DNAH6: variants seen among roughly 807,000 people sequenced by gnomAD.
DNAH6 encodes the protein dynein axonemal heavy chain 6.
DNAH6 carries 340 observed loss-of-function variants against 491.4 expected under a neutral mutation model. The ratio of observed to expected loss-of-function variants is 0.69; its 90% confidence interval spans 0.63 to 0.76. DNAH6 has a LOEUF of 0.76. Among genes scored for constraint, DNAH6 ranks in the 30% least tolerant of loss-of-function variants. DNAH6 has a pLI of 0.00. For synonymous variants in DNAH6, 1,603 were observed against 1,686.1 expected (o/e 0.95, Z 1.21); for missense variants, 4,443 against 4,972.2 (o/e 0.89, Z 3.20).
intron 18 of DNAH6, among the ~76,000 whole-genome samples, chr2:84,597,135 A>G (rs970589889): frequency 3.3e-5 from 5 of 152,170 alleles, no homozygotes; most frequent in African/African-American, 9.7e-5. Flanking sequence ...TTCTGTCTCT[A>G]TAGTTTTGCC....
At chr2:84,602,788 G>C (rs1337376607) in intron 18 of DNAH6, among the ~76,000 whole-genome samples, 2 of 136,580 alleles carry the variant, frequency 1.5e-5, no homozygotes, top group African/African-American at 5.4e-5. Context: ...CACAGGTCTT[G>C]GATGCTCTGT....
At position 84,816,067 on chromosome 2, in the gene DNAH6, A is replaced by G. The variant is rs1005563943; in HGVS notation, c.12357A>G (p.Gly4119=). ...TTTATAAAACAGGAGCCCGGGCAGGAACACTCTCAACCACAGGTGAGGATG... is the reference window on the plus strand; with the variant it reads ...TTTATAAAACAGGAGCCCGGGCAGGGACACTCTCAACCACAGGTGAGGATG... ...CPLYKTGARA[G]TLSTTGHSTN... The change falls in exon 76 of 77, where the codon GGA becomes GGG. Residue 4119 remains glycine, a synonymous_variant. Coordinates refer to ENST00000389394, the MANE Select transcript of DNAH6 (RefSeq NM_001370.2). 1.1e-5 allele frequency: 17 copies of G among 1,550,830 alleles called. No homozygotes were observed. The highest frequency in any genetic ancestry group is 1.4e-5 in the Non-Finnish European group (16 of 1,146,374).
At chr2:84,550,720 A>G (rs1022681057) in intron 9 of DNAH6, among the ~76,000 whole-genome samples, 17 of 152,124 alleles carry the variant, frequency 1.1e-4, no homozygotes, top group African/African-American at 4.1e-4. Context: ...ATAGTGATGA[A>G]AAGCATAGAT....
the DNAH6 span, among the ~76,000 whole-genome samples, chr2:84,488,711 C>G: frequency 4.6e-5 from 7 of 152,160 alleles, no homozygotes; most frequent in African/African-American, 1.4e-4. Context: ...TTTCAAGATC[C>G]TTACTTTAAT....
chr2:84,582,992 G>T (rs575927809), intron 14 of DNAH6, among the ~76,000 whole-genome samples: 6 of 152,302 alleles, frequency 3.9e-5, no homozygotes, highest in African/African-American at 1.4e-4. Context: ...CCAGGAAATT[G>T]GGCCAAGTAG....
chr2:84,488,618 T>G, the DNAH6 span, among the ~76,000 whole-genome samples: 1 of 152,138 alleles, frequency 6.6e-6, no homozygotes, highest in African/African-American at 2.4e-5. Flanking sequence ...CTTTTTTTAA[T>G]TTGATCTTCC....
Position 84,672,237 on chromosome 2 carries a change from T to C in DNAH6, c.6455-90T>C, listed in dbSNP as rs1692804616. On this transcript the variant is annotated intron_variant, in intron 39 of 76. Transcript: ENST00000389394. ...TGAGCTCTTTATGACCTGTAGGATG[T>C]CATTGAGTCCAAAGTCATACCCTAG... is the stretch of plus-strand genomic sequence containing the variant. 3 of 1,320,976 alleles carry C rather than the reference T, an allele frequency of 2.3e-6. No individual in the cohort carries two copies. In the East Asian group the frequency reaches 7.6e-5, roughly 33 times the overall value. 81.8% of individuals were successfully genotyped at this position (1,320,976 alleles called of 1,614,324 possible). A position where few individuals can be genotyped will look rare whatever the true frequency, so the allele number is the denominator to read the frequency against.
intron 62 of DNAH6, among the ~76,000 whole-genome samples, chr2:84,733,843 A>C (rs1699310615): frequency 6.6e-6 from 1 of 151,526 alleles, no homozygotes; most frequent in African/African-American, 2.4e-5. Context: ...GTAAATATAC[A>C]TTTGTGTATT....
intron 22 of DNAH6, 35 bp from the exon 23 acceptor site, chr2:84,616,851 C>T: frequency 8.5e-7 from 1 of 1,183,280 alleles, no homozygotes; most frequent in Non-Finnish European, 1.1e-6. Context: ...GATTTTAACA[C>T]AGTTTTACCA....
rs1194555288 is a variant in DNAH6 at position 84,718,401 on chromosome 2, T to A, written c.9792+17T>A. On this transcript the variant is annotated intron_variant, in intron 59 of 76. Transcript: ENST00000389394. ...GATTCAAAGGCAAGTAAAATATTTTTAGTACTTATGGAAAGTATGTTACTT... is the reference window on the plus strand; with the variant it reads ...GATTCAAAGGCAAGTAAAATATTTTAAGTACTTATGGAAAGTATGTTACTT... The A allele has an allele frequency of 7.3e-6, 11 of 1,510,356 alleles. No individual in the cohort carries two copies. Among genetic ancestry groups the A allele is most frequent in the Non-Finnish European group, 8.9e-6 (10 of 1,129,550 alleles). 93.6% of individuals were successfully genotyped at this position (1,510,356 alleles called of 1,614,324 possible).
At chr2:84,703,932 A>T in intron 50 of DNAH6, 135 bp from the exon 51 acceptor site, 3 of 679,884 alleles carry the variant, frequency 4.4e-6, no homozygotes, top group Non-Finnish European at 5.0e-6. Context: ...GGAGAGCATA[A>T]AATGCAATCT....
At chr2:84,539,884 C>A (rs1416085760) in intron 4 of DNAH6, among the ~76,000 whole-genome samples, 1 of 152,102 alleles carries the variant, frequency 6.6e-6, no homozygotes, top group Admixed American at 6.6e-5. Flanking sequence ...ACTTCTCTTC[C>A]CCAGGTTAGG....
At chr2:84,803,895 C>T (rs1456787661) in intron 70 of DNAH6, among the ~76,000 whole-genome samples, 1 of 152,070 alleles carries the variant, frequency 6.6e-6, no homozygotes, top group African/African-American at 2.4e-5. Context: ...TTCATACAAA[C>T]ATATTCTATT....
At chr2:84,538,317 G>A (rs566265341) in intron 4 of DNAH6, among the ~76,000 whole-genome samples, 3 of 152,180 alleles carry the variant, frequency 2.0e-5, no homozygotes, top group Non-Finnish European at 2.9e-5. Context: ...AGAAAATTGA[G>A]GTATAGATTA....
At chr2:84,595,535 CA>C in intron 17 of DNAH6, 110 bp from the exon 18 acceptor site, 5 of 983,386 alleles carry the variant, frequency 5.1e-6, no homozygotes, top group Non-Finnish European at 7.2e-6. Context: ...AAGCCATTTC[CA>C]AAAGCATAGT....
At chr2:84,767,409 C>G (rs991280441) in intron 64 of DNAH6, among the ~76,000 whole-genome samples, 4 of 151,896 alleles carry the variant, frequency 2.6e-5, no homozygotes, top group Non-Finnish European at 5.9e-5. Flanking sequence ...CCTGTAGTCC[C>G]AAGCTACTCA....
At chr2:84,761,209 C>G (rs1320345304) in intron 63 of DNAH6, among the ~76,000 whole-genome samples, 1 of 151,992 alleles carries the variant, frequency 6.6e-6, no homozygotes, top group Non-Finnish European at 1.5e-5. Context: ...TTAATTGAAA[C>G]AAGTAAGACA....
At chr2:84,740,127 A>C (rs1345677264) in intron 62 of DNAH6, among the ~76,000 whole-genome samples, 1 of 151,432 alleles carries the variant, frequency 6.6e-6, no homozygotes, top group Non-Finnish European at 1.5e-5. Context: ...CTTCATTTCT[A>C]GGTGCTTTCA....
chr2:84,795,566 G>A (rs1678265598), intron 68 of DNAH6, among the ~76,000 whole-genome samples: 1 of 152,178 alleles, frequency 6.6e-6, no homozygotes, highest in Non-Finnish European at 1.5e-5. Context: ...AACAGTTGGA[G>A]GATTCAGAGG....
Sources: allele counts gnomAD v4.1 joint callset (sites outside exome capture counted in the v4.1 genomes callset), GRCh38; gene constraint gnomAD v4.1.1; transcripts MANE v1.5; gene names NCBI Gene and HGNC (gene_info 2026-07-23, HGNC 2026-07-21).